The following DENND5B variants were observed in gnomAD, a reference collection of about 807,000 sequenced individuals.
DENND5B encodes the protein DENN domain containing 5B, also known as DENN domain-containing protein 5B.
A neutral mutation model predicts 140.6 loss-of-function variants in DENND5B; 34 were observed. That is an observed-to-expected ratio of 0.24 (90% CI 0.18 to 0.32). The LOEUF is 0.32. DENND5B is among the 10% of genes least tolerant of loss of function. The pLI is 1.00. For missense variants in DENND5B, 1,142 were observed against 1,560.2 expected, an observed-to-expected ratio of 0.73 and a Z score of 4.52; for synonymous variants, 551 against 562.1, an observed-to-expected ratio of 0.98 and a Z score of 0.28.
intron 3 of DENND5B, among the ~76,000 whole-genome samples, chr12:31,478,220 T>C (rs1945910051): frequency 1.3e-5 from 2 of 152,148 alleles, no homozygotes; most frequent in Admixed American, 1.3e-4. Flanking sequence ...AATACAACCT[T>C]GTGAACGGCT....
Position 31,431,786 on chromosome 12 carries a change from A to C in DENND5B, c.2106+1369T>G, listed in dbSNP as rs189835090. Among the ~76,000 whole-genome samples, 15 of 152,304 alleles carry C rather than the reference A, an allele frequency of 9.8e-5. No individual in the cohort carries two copies. The East Asian group carries it at 2.9e-3, about 29-fold the overall frequency. On this transcript the variant is annotated intron_variant, in intron 8 of 20. Transcript: ENST00000389082. ...AATTTGCTATCTAGCACACAAAAAA[A>C]ATCCCACTGATTAGAGACCCAAATG... is the stretch of plus-strand genomic sequence containing the variant.
chr12:31,559,067 A>AT (rs528542242), intron 1 of DENND5B, among the ~76,000 whole-genome samples: 83 of 152,362 alleles, frequency 5.4e-4, no homozygotes, highest in African/African-American at 1.9e-3. Flanking sequence ...CACTTGGAAC[A>AT]TAAGTTCTAA....
At chr12:31,499,617 T>G in intron 1 of DENND5B, 1 of 1,497,320 alleles carries the variant, frequency 6.7e-7, no homozygotes, top group Non-Finnish European at 8.9e-7. Context: ...TGAAGTCGTA[T>G]TTGCAGCACC....
At chr12:31,406,948 G>A (rs115074961) in intron 14 of DENND5B, among the ~76,000 whole-genome samples, 140 of 148,810 alleles carry the variant, frequency 9.4e-4, no homozygotes, top group African/African-American at 3.3e-3. Flanking sequence ...TAAAGCAAGC[G>A]CCACCACGTC....
At chr12:31,471,531 C>T (rs1025848942) in intron 3 of DENND5B, among the ~76,000 whole-genome samples, 2 of 140,976 alleles carry the variant, frequency 1.4e-5, no homozygotes, top group African/African-American at 5.4e-5. Context: ...ACACTCCTGA[C>T]CTCAAGCAAT....
At position 31,383,064 on chromosome 12, in the gene DENND5B, ACT is replaced by A. The variant is rs1376544030; in HGVS notation, c.*4537_*4538del. 6.6e-6 allele frequency: 1 copy of A among 152,124 alleles called. No individual in the cohort carries two copies. Among genetic ancestry groups the A allele is most frequent in the African/African-American group, 2.4e-5 (1 of 41,436 alleles). 9.4% of individuals were successfully genotyped at this position (152,124 alleles called of 1,614,324 possible). The stretch of plus-strand genomic sequence containing the variant: ...TTATAAAAGTAGAGAAGGGCTCAAG[ACT>A]CTCAATCAGTGAAGGTGTGTTAATA... On this transcript the variant is annotated 3_prime_UTR_variant, in exon 21 of 21. Transcript: ENST00000389082.
intron 1 of DENND5B, among the ~76,000 whole-genome samples, chr12:31,574,295 A>AATTATTATTATT (rs1555175991): frequency 2.2e-3 from 312 of 144,590 alleles, no homozygotes; most frequent in African/African-American, 7.6e-3. Flanking sequence ...TAATAATAAT[A>AATTATTATTATT]ATTTAAAAGG....
chr12:31,480,141 T>G lies in DENND5B; in HGVS notation c.352A>C (p.Thr118Pro). Residue 118 changes from threonine to proline, a missense_variant, in exon 3 of 21, where the codon ACT becomes CCT. By Grantham distance (38) the Thr-to-Pro change is conservative. Around this residue, in one of 5 missense-constraint regions of DENND5B, gnomAD observed 708 missense variants for 905.5 expected, o/e 0.78. Coordinates refer to ENST00000389082, the MANE Select transcript of DENND5B (RefSeq NM_144973.4). Reference sequence around the variant, plus strand: ...TTACTTGTAACTTCTTCATAAAAAGTGAGAACAAAACCATAGGTGCGAGAA... The same window carrying G: ...TTACTTGTAACTTCTTCATAAAAAGGGAGAACAAAACCATAGGTGCGAGAA... ...DGSRTYGFVLTFYEEVTSKQI... is the reference protein window; with the variant it reads ...DGSRTYGFVLPFYEEVTSKQI... 6.2e-7 allele frequency: 1 copy of G among 1,610,884 alleles called. No individual in the cohort carries two copies. The highest frequency in any genetic ancestry group is 8.5e-7 in the Non-Finnish European group (1 of 1,178,328).
intron 4 of DENND5B, among the ~76,000 whole-genome samples, chr12:31,453,449 T>C (rs1258528067): frequency 1.3e-5 from 2 of 152,350 alleles, no homozygotes; most frequent in African/African-American, 2.4e-5. Flanking sequence ...GTATCTGTAG[T>C]AGACTTCAAA....
intron 16 of DENND5B, among the ~76,000 whole-genome samples, chr12:31,399,336 C>T (rs369564890): frequency 5.3e-4 from 70 of 132,600 alleles, no homozygotes; most frequent in African/African-American, 1.7e-3. Flanking sequence ...TGGAGTGCAA[C>T]GGTGCAATCT....
chr12:31,558,144 C>A (rs1345918785), intron 1 of DENND5B, among the ~76,000 whole-genome samples: 1 of 152,226 alleles, frequency 6.6e-6, no homozygotes, highest in Admixed American at 6.5e-5. Context: ...GATACTCAGA[C>A]ACTGAGCCCT....
intron 13 of DENND5B, among the ~76,000 whole-genome samples, chr12:31,411,082 A>T (rs1450263182): frequency 3.4e-5 from 5 of 145,668 alleles, no homozygotes; most frequent in Non-Finnish European, 7.4e-5. Flanking sequence ...CTTATTGCCC[A>T]GGCTAGAGTG....
intron 5 of DENND5B, 36 bp downstream of exon 5, chr12:31,451,904 T>C (rs1944545177): frequency 6.2e-7 from 1 of 1,606,566 alleles, no homozygotes; most frequent in African/African-American, 1.3e-5. Flanking sequence ...ATAAAGCCAC[T>C]AATAACCACA....
At chr12:31,418,285 T>TTC (rs1555141269) in intron 11 of DENND5B, among the ~76,000 whole-genome samples, 45 of 148,364 alleles carry the variant, frequency 3.0e-4, no homozygotes, top group African/African-American at 8.6e-4. Flanking sequence ...TTCTTTTCTT[T>TTC]TTTTTTTTTT....
At chr12:31,538,862 T>G (rs1262593073) in intron 1 of DENND5B, among the ~76,000 whole-genome samples, 1 of 151,690 alleles carries the variant, frequency 6.6e-6, no homozygotes, top group Non-Finnish European at 1.5e-5. Context: ...GAGTGAGATT[T>G]CATCTCAAAA....
At chr12:31,557,415 G>A (rs1484528512) in intron 1 of DENND5B, among the ~76,000 whole-genome samples, 6 of 151,918 alleles carry the variant, frequency 3.9e-5, no homozygotes, top group Non-Finnish European at 5.9e-5. Flanking sequence ...GTCTCGCTCT[G>A]TCACCCAGGC....
In DENND5B at chr12:31,442,905, G is replaced by T; in HGVS notation, c.1882C>A (p.Leu628Met). 6.3e-7 allele frequency: 1 copy of T among 1,588,536 alleles called. No individual in the cohort carries two copies. The highest frequency in any genetic ancestry group is 8.6e-7 in the Non-Finnish European group (1 of 1,166,610). Residue 628 changes from leucine to methionine, a missense_variant, in exon 7 of 21, where the codon CTG (leucine) becomes ATG (methionine). Physicochemically the swap from Leu to Met is conservative, Grantham distance 15 (BLOSUM62 2). Transcript: ENST00000389082. ...KEAAQSIEQRLMKMDHTAIHP... is the reference protein window; with the variant it reads ...KEAAQSIEQRMMKMDHTAIHP... ...ATTGCAGTGTGATCCATTTTCATCA[G>T]TCTCTGCTCAATTGATTGGGCTATA...
intron 1 of DENND5B, among the ~76,000 whole-genome samples, chr12:31,579,558 G>A (rs1356997556): frequency 6.6e-6 from 1 of 152,154 alleles, no homozygotes; most frequent in African/African-American, 2.4e-5. Context: ...CTACTTGGGA[G>A]GCTGAGGCAG....
At chr12:31,474,273 AT>A (rs1215898850) in intron 3 of DENND5B, among the ~76,000 whole-genome samples, 1 of 114,484 alleles carries the variant, frequency 8.7e-6, no homozygotes, top group African/African-American at 2.8e-5. Context: ...TTAGACTTCA[AT>A]TATTGGTATC....
Sources: gnomAD v4.1 joint callset for allele counts (sites outside exome capture counted in the v4.1 genomes callset) on GRCh38, gnomAD v4.1.1 for gene constraint, gnomAD v4.1.1 regional missense constraint, MANE v1.5 for transcripts, NCBI Gene and HGNC (gene_info 2026-07-23, HGNC 2026-07-21) for gene names.